Variants in RIOK1 observed in about 807,000 individuals in gnomAD.
The protein encoded by RIOK1 is serine/threonine-protein kinase RIO1.
Under a neutral mutation model 73.5 loss-of-function variants are expected in RIOK1, and 66 were observed. That is an observed-to-expected ratio of 0.90 (90% CI 0.74 to 1.10). The LOEUF (loss-of-function observed/expected upper bound fraction) is 1.10. Among genes scored for constraint, RIOK1 ranks in the 50% least tolerant of loss-of-function variants. The pLI is 0.00. For synonymous variants in RIOK1, 224 were observed against 226.8 expected, an observed-to-expected ratio of 0.99 and a Z score of 0.11; for missense variants, 658 against 699.8, an observed-to-expected ratio of 0.94 and a Z score of 0.67.
At chr6:7,400,863 A>C in intron 5 of RIOK1, 95 bp from the exon 6 acceptor site, 1 of 704,694 alleles carries the variant, frequency 1.4e-6, no homozygotes, top group South Asian at 1.7e-5. Context: ...AGCGTCGTAC[A>C]GTTAAGCTCT....
At chr6:7,399,058 G>A (rs1379032996) in intron 5 of RIOK1, among the ~76,000 whole-genome samples, 1 of 152,202 alleles carries the variant, frequency 6.6e-6, no homozygotes, top group Non-Finnish European at 1.5e-5. Context: ...CAGAAGATAG[G>A]TAGGGTATCT....
chr6:7,415,874 A>G (rs1171054755), intron 16 of RIOK1, among the ~76,000 whole-genome samples: 3 of 152,212 alleles, frequency 2.0e-5, no homozygotes, highest in South Asian at 4.1e-4. Context: ...AACTTTTACT[A>G]TAGTATATTG....
At chr6:7,397,176 A>C (rs1761496193) in intron 4 of RIOK1, among the ~76,000 whole-genome samples, 1 of 152,208 alleles carries the variant, frequency 6.6e-6, no homozygotes, top group African/African-American at 2.4e-5. Context: ...AGGTGTGAGA[A>C]TCTCTTGAAC....
Position 7,417,415 on chromosome 6 carries a change from A to T in RIOK1, c.1681A>T (p.Thr561Ser). ...ACATGTGAAAAAAAGAAAGGAGAAG[A>T]CAGCCAAGACGAAAAAAGGCAAATA... ...PKHVKKRKEK[T>S]AKTKKGK Residue 561 changes from threonine (T) to serine (S), a missense_variant, in exon 17 of 17, where the codon ACA becomes TCA. Physicochemically the swap from Thr to Ser is moderately conservative, Grantham distance 58. Coordinates refer to ENST00000379834, the MANE Select transcript of RIOK1 (RefSeq NM_031480.3). 2 of 1,562,304 alleles carry T rather than the reference A, an allele frequency of 1.3e-6. No homozygotes were observed.
At chr6:7,410,252 C>G in intron 12 of RIOK1, 134 bp from the exon 13 acceptor site, 2 of 642,124 alleles carry the variant, frequency 3.1e-6, no homozygotes, top group South Asian at 3.8e-5. Context: ...ACCATTAGAC[C>G]TCACTAAATG....
intron 11 of RIOK1, 58 bp downstream of exon 11, chr6:7,405,079 A>G: frequency 7.0e-7 from 1 of 1,434,296 alleles, no homozygotes. Flanking sequence ...TTTTGTACTC[A>G]GTTAAGCTGT....
intron 16 of RIOK1, among the ~76,000 whole-genome samples, chr6:7,415,980 T>C (rs1278181637): frequency 6.6e-6 from 1 of 152,210 alleles, no homozygotes; most frequent in African/African-American, 2.4e-5. Flanking sequence ...GCATAGTATA[T>C]ATAGGGTTTG....
chr6:7,391,251 G>A (rs1292328077), intron 1 of RIOK1, among the ~76,000 whole-genome samples: 3 of 152,156 alleles, frequency 2.0e-5, no homozygotes, highest in Admixed American at 1.3e-4. Flanking sequence ...GTGGTAGGGA[G>A]GCATTGGTAA....
chr6:7,406,703 C>T (rs1761753743), intron 12 of RIOK1, among the ~76,000 whole-genome samples: 1 of 152,140 alleles, frequency 6.6e-6, no homozygotes, highest in Admixed American at 6.5e-5. Context: ...ACTCTGTCAC[C>T]AGGCTAGAGT....
At chr6:7,401,586 T>A (rs1410433578) in intron 6 of RIOK1, among the ~76,000 whole-genome samples, 1 of 151,914 alleles carries the variant, frequency 6.6e-6, no homozygotes, top group Non-Finnish European at 1.5e-5. Context: ...GTTTTTTTTT[T>A]AAAGCAATTA....
At chr6:7,395,914 A>G (rs1761464217) in intron 3 of RIOK1, among the ~76,000 whole-genome samples, 1 of 151,912 alleles carries the variant, frequency 6.6e-6, no homozygotes, top group African/African-American at 2.4e-5. Flanking sequence ...CTCCATGTTG[A>G]CCAGGCTGGT....
At chr6:7,400,672 A>G (rs571116584) in intron 5 of RIOK1, among the ~76,000 whole-genome samples, 1 of 152,350 alleles carries the variant, frequency 6.6e-6, no homozygotes, top group South Asian at 2.1e-4. Flanking sequence ...TTATACTTCT[A>G]TTAGCTAATA....
At position 7,405,027 on chromosome 6, in the gene RIOK1, T is replaced by A; in HGVS notation, c.1096+6T>A. The A allele has an allele frequency of 1.2e-6, 2 of 1,609,910 alleles. No individual in the cohort carries two copies. The highest frequency in any genetic ancestry group is 8.5e-7 in the Non-Finnish European group (1 of 1,176,568). ...GGATTGCGCCAACGTCAATGGTGAG[T>A]AGAAACGGCAATTTTCGAAACAGCT... On this transcript the variant is annotated splice_donor_region_variant and intron_variant, in intron 11 of 16. Coordinates refer to ENST00000379834, the MANE Select transcript of RIOK1 (RefSeq NM_031480.3).
At position 7,414,300 on chromosome 6, in the gene RIOK1, A is replaced by G. The variant is rs1262109586; in HGVS notation, c.1506A>G (p.Gly502=). ...CTTGTTCTGATTCAGAAGATATTGGAAGCTCTGAGTGCTCTGACACAGACT... is the reference window on the plus strand; with the variant it reads ...CTTGTTCTGATTCAGAAGATATTGGGAGCTCTGAGTGCTCTGACACAGACT... The part of the protein sequence containing the change: ...ERTCSDSEDI[G]SSECSDTDSE... Residue 502 remains glycine (G), a synonymous_variant, in exon 16 of 17, where the codon GGA becomes GGG. Coordinates refer to ENST00000379834, the MANE Select transcript of RIOK1 (RefSeq NM_031480.3). The G allele has an allele frequency of 2.5e-6, 4 of 1,613,848 alleles. No homozygotes were observed. The African/African-American group carries it at 4.0e-5, about 16-fold the overall frequency.
At chr6:7,403,517 G>A (rs1289152305) in intron 8 of RIOK1, among the ~76,000 whole-genome samples, 2 of 152,206 alleles carry the variant, frequency 1.3e-5, no homozygotes, top group Admixed American at 6.5e-5. Flanking sequence ...ATTGGATAGT[G>A]TAGTATTGAG....
intron 1 of RIOK1, 118 bp downstream of exon 1, chr6:7,390,191 C>G: frequency 1.2e-6 from 1 of 817,916 alleles, no homozygotes; most frequent in Non-Finnish European, 1.9e-6. Flanking sequence ...CTCAGCGTCT[C>G]TCTTGACAAC....
At chr6:7,390,825 T>A (rs1429727686) in intron 1 of RIOK1, among the ~76,000 whole-genome samples, 1 of 152,216 alleles carries the variant, frequency 6.6e-6, no homozygotes, top group Non-Finnish European at 1.5e-5. Flanking sequence ...ATAGGAGGGA[T>A]TTTAGCAGAA....
intron 2 of RIOK1, 91 bp downstream of exon 2, chr6:7,393,394 T>A: frequency 9.5e-7 from 1 of 1,052,504 alleles, no homozygotes; most frequent in Non-Finnish European, 1.5e-6. Flanking sequence ...ATTGAATAAC[T>A]AAAAGATTTT....
In RIOK1 at chr6:7,395,114, T is replaced by A. The variant is rs766312760; in HGVS notation, c.338T>A (p.Leu113Ter). The A allele has an allele frequency of 1.7e-5, 28 of 1,613,466 alleles. No individual in the cohort carries two copies. The highest frequency in any genetic ancestry group is 1.3e-5 in the Non-Finnish European group (15 of 1,179,662). ...AKMSTPADKV[L>*]RKFENKINLD... ...ATGTCTACTCCAGCAGACAAGGTCT[T>A]ACGGAAATTTGAGAATAAAATTAAT... The change falls in exon 3 of 17, where the codon TTA (leucine) becomes TAA (stop). Residue 113 changes from leucine to a stop codon, truncating the protein, a stop_gained. Coordinates refer to ENST00000379834, the MANE Select transcript of RIOK1 (RefSeq NM_031480.3). LOFTEE classifies it high-confidence loss of function.
Sources: allele counts gnomAD v4.1 joint callset (sites outside exome capture counted in the v4.1 genomes callset), GRCh38; gene constraint gnomAD v4.1.1; transcripts MANE v1.5; gene names NCBI Gene and HGNC (gene_info 2026-07-23, HGNC 2026-07-21).